The following BUB1 variants were observed in gnomAD, a reference collection of about 807,000 sequenced individuals.
The protein encoded by BUB1 is BUB1 mitotic checkpoint serine/threonine kinase.
Under a neutral mutation model 135.2 loss-of-function variants are expected in BUB1, and 84 were observed. That is an observed-to-expected ratio of 0.62 (90% CI 0.52 to 0.74). BUB1 has a LOEUF of 0.74. Among genes scored for constraint, BUB1 ranks in the 30% least tolerant of loss-of-function variants. The pLI, the probability that BUB1 is intolerant of heterozygous loss-of-function variation, is 0.00. For missense variants in BUB1, 1,162 were observed against 1,288.3 expected, an observed-to-expected ratio of 0.90 and a Z score of 1.50; for synonymous variants, 403 against 434.4, an observed-to-expected ratio of 0.93 and a Z score of 0.90.
chr2:110,658,405 A>G lies in BUB1; in HGVS notation c.1516+5T>C. The G allele has an allele frequency of 6.2e-7, 1 of 1,603,446 alleles. No individual in the cohort carries two copies. ...TGCACTTAGTAGCTTTTAAATAGTT[A>G]TTACTTTGAAACTGGGCTTCAAATG... On this transcript the variant is annotated splice_donor_5th_base_variant and intron_variant, in intron 13 of 24. Transcript: ENST00000302759.
intron 16 of BUB1, among the ~76,000 whole-genome samples, chr2:110,655,482 T>C (rs1689904667): frequency 6.6e-6 from 1 of 152,226 alleles, no homozygotes; most frequent in African/African-American, 2.4e-5. Context: ...AATGCTTCTA[T>C]AGATTTTCTC....
At chr2:110,677,746 C>T (rs1425641063) in intron 1 of BUB1, among the ~76,000 whole-genome samples, 1 of 152,234 alleles carries the variant, frequency 6.6e-6, no homozygotes, top group Non-Finnish European at 1.5e-5. Context: ...TCCAAACGGC[C>T]ACCGCGGCGC....
In BUB1 at chr2:110,658,481, T is replaced by C. The variant is rs777233714; in HGVS notation, c.1445A>G (p.Asp482Gly). 1.8e-5 allele frequency: 29 copies of C among 1,613,988 alleles called. No individual in the cohort carries two copies. Among genetic ancestry groups the C allele is most frequent in the Non-Finnish European group, 2.3e-5 (27 of 1,180,024 alleles). ...CCATTCATCTTTGTCATCAGAAATA[T>C]CAGGAAGTGTAGGAGCCTGAAACAT... ...MNMFQAPTLP[D>G]ISDDKDEWQS... is the part of the protein sequence containing the mutation. Residue 482 changes from aspartate (D) to glycine (G), a missense_variant, in exon 13 of 25, where the codon GAT (aspartate) becomes GGT (glycine). Asp to Gly is a moderately conservative substitution (Grantham distance 94). Coordinates refer to ENST00000302759, the MANE Select transcript of BUB1 (RefSeq NM_004336.5).
At chr2:110,655,170 C>T (rs146515620) in intron 16 of BUB1, among the ~76,000 whole-genome samples, 12 of 152,200 alleles carry the variant, frequency 7.9e-5, no homozygotes, top group African/African-American at 2.4e-4. Context: ...AGATTTGAAA[C>T]GGTAGAAATA....
chr2:110,652,339 A>G (rs184084046), intron 17 of BUB1, among the ~76,000 whole-genome samples: 4 of 152,188 alleles, frequency 2.6e-5, no homozygotes, highest in Admixed American at 2.6e-4. Flanking sequence ...TTAGTGTCAC[A>G]ATTTTTGTGT....
chr2:110,659,193 C>T (rs1690013058), intron 11 of BUB1, among the ~76,000 whole-genome samples: 1 of 152,178 alleles, frequency 6.6e-6, no homozygotes, highest in Admixed American at 6.6e-5. Context: ...TACCTCCCCA[C>T]ATTGGTCCCT....
chr2:110,670,126 GTTTTTTTTT>G (rs377459142), intron 5 of BUB1, among the ~76,000 whole-genome samples: 21 of 120,860 alleles, frequency 1.7e-4, no homozygotes, highest in Non-Finnish European at 1.4e-4. Flanking sequence ...AATTGGATGG[GTTTTTTTTT>G]TTTTTTTTTT....
chr2:110,647,961 T>C, intron 19 of BUB1, among the ~76,000 whole-genome samples: 1 of 152,216 alleles, frequency 6.6e-6, no homozygotes, highest in East Asian at 1.9e-4. Context: ...GAATGCTAAA[T>C]GGTACAGTCA....
intron 9 of BUB1, among the ~76,000 whole-genome samples, chr2:110,662,520 C>G (rs559622495): frequency 6.6e-6 from 1 of 152,300 alleles, no homozygotes; most frequent in East Asian, 1.9e-4. Flanking sequence ...ACCAGCCAGG[C>G]ATGGGTGGCT....
Position 110,670,126 on chromosome 2 carries a change from G to GTTTT in BUB1, c.466+395_466+398dup, listed in dbSNP as rs377459142. Among the ~76,000 whole-genome samples the GTTTT allele has an allele frequency of 3.6e-4, 43 of 120,860 alleles. 1 individual carries two copies. The highest frequency in any genetic ancestry group is 5.6e-4 in the Non-Finnish European group (32 of 57,396). 79.3% of individuals were successfully genotyped at this position (120,860 alleles called of 152,430 possible). On this transcript the variant is annotated intron_variant, in intron 5 of 24. Coordinates refer to ENST00000302759, the MANE Select transcript of BUB1 (RefSeq NM_004336.5). ...TTGGTTTTCATTAAAAATTGGATGG[G>GTTTT]TTTTTTTTTTTTTTTTTTTTTTTTT... is the stretch of plus-strand genomic sequence containing the variant.
rs755753586 is a variant in BUB1 at position 110,674,224 on chromosome 2, T to C, written c.87A>G (p.Arg29=). Residue 29 remains arginine (R), a splice_region_variant and synonymous_variant, in exon 3 of 25, where the codon AGA becomes AGG. Transcript: ENST00000302759. ...AATTCTCTTCTACCCACTGTATGTA[T>C]CTAGAAAAATATGGATAATGTTAAT... ...KGNDPLGEWE[R]YIQWVEENFP... 263 of 1,609,908 alleles carry C rather than the reference T, an allele frequency of 1.6e-4. No individual in the cohort carries two copies. Among genetic ancestry groups the C allele is most frequent in the Non-Finnish European group, 2.0e-4 (237 of 1,176,686 alleles).
In BUB1 at chr2:110,651,478, GTGT is replaced by G. The variant is rs759808856; in HGVS notation, c.1965-697_1965-695del. Among the ~76,000 whole-genome samples, 4 of 152,220 alleles carry G rather than the reference GTGT, an allele frequency of 2.6e-5. No individual in the cohort carries two copies. The East Asian group carries it at 7.7e-4, about 29-fold the overall frequency. On this transcript the variant is annotated intron_variant, in intron 17 of 24. Coordinates refer to ENST00000302759, the MANE Select transcript of BUB1 (RefSeq NM_004336.5). ...ACAATGTGTTTGTTTTTTAAGCTAA[GTGT>G]TGTTACAAAAGTCAAAAAGATAAAA...
At position 110,672,649 on chromosome 2, in the gene BUB1, C is replaced by T; in HGVS notation, c.422+12G>A. 6.4e-7 allele frequency: 1 copy of T among 1,550,936 alleles called. No individual in the cohort carries two copies. The highest frequency in any genetic ancestry group is 8.7e-7 in the Non-Finnish European group (1 of 1,148,998). On this transcript the variant is annotated intron_variant, in intron 4 of 24. Transcript: ENST00000302759. ...GTCAGAATCATCACAGAGAGTTTGA[C>T]TTTGTAACTACCTGTATTGTTGTTG...
intron 15 of BUB1, 87 bp downstream of exon 15, chr2:110,656,949 C>T: frequency 1.1e-6 from 1 of 924,800 alleles, no homozygotes; most frequent in Non-Finnish European, 1.7e-6. Context: ...TTCACATACA[C>T]AATATCCTCT....
rs541393577 is a variant in BUB1, at chr2:110,648,251, G to A, written c.2347+983C>T. ...CTATCAAATCATGAAATGACACAAG[G>A]GAACCTTAAATGCATATTGCTAAGT... On this transcript the variant is annotated intron_variant, in intron 19 of 24. Transcript: ENST00000302759. The surrounding 1 kb of genome is among the most constrained non-coding windows in gnomAD (Gnocchi z 4.2). 6.6e-6 allele frequency among the ~76,000 whole-genome samples: 1 copy of A among 151,908 alleles called. No homozygotes were observed. The highest frequency in any genetic ancestry group is 2.1e-4 in the South Asian group (1 of 4,798).
intron 16 of BUB1, 35 bp downstream of exon 16, chr2:110,655,704 G>C: frequency 6.8e-7 from 1 of 1,467,302 alleles, no homozygotes; most frequent in Non-Finnish European, 9.2e-7. Flanking sequence ...ATCAAAGTTG[G>C]CAGAAGACAG....
intron 19 of BUB1, among the ~76,000 whole-genome samples, chr2:110,647,170 T>G (rs1233932607): frequency 6.6e-6 from 1 of 152,188 alleles, no homozygotes; most frequent in Non-Finnish European, 1.5e-5. Context: ...GAGGGAATAC[T>G]TCCTATCTCA....
Position 110,672,804 on chromosome 2 carries a change from C to A in BUB1, c.279G>T (p.Gly93=), listed in dbSNP as rs56159448. 1,350 of 1,613,162 alleles carry A rather than the reference C, an allele frequency of 8.4e-4. 19 individuals carry two copies. In the East Asian group the frequency reaches 0.028, roughly 33 times the overall value. Residue 93 remains glycine (G), a synonymous_variant, in exon 4 of 25, where the codon GGG becomes GGT. Transcript: ENST00000302759. ...ACAGAGGGGATGACAGGGTTCCAAT[C>A]CCATGGTTGTACAGAAACTCAAAAA... ...HQFFEFLYNH[G]IGTLSSPLYI...
Position 110,637,888 on chromosome 2 carries a change from A to G in BUB1, c.*76T>C, listed in dbSNP as rs1217664688. 1 of 1,023,714 alleles carries G rather than the reference A, an allele frequency of 9.8e-7. No individual in the cohort carries two copies. Among genetic ancestry groups the G allele is most frequent in the African/African-American group, 1.7e-5 (1 of 60,456 alleles). 63.4% of individuals were successfully genotyped at this position (1,023,714 alleles called of 1,614,324 possible). A position where few individuals can be genotyped will look rare whatever the true frequency, so the allele number is the denominator to read the frequency against. ...TAACAAACATTTACATAAACAATAA[A>G]TGAAAAAAAAACAGGTTTAAAGTGA... On this transcript the variant is annotated 3_prime_UTR_variant, in exon 25 of 25. Transcript: ENST00000302759.
Sources: gnomAD v4.1 joint callset for allele counts (sites outside exome capture counted in the v4.1 genomes callset) on GRCh38, gnomAD v4.1.1 for gene constraint, Gnocchi (gnomAD v3.1) non-coding constraint, MANE v1.5 for transcripts, NCBI Gene and HGNC (gene_info 2026-07-23, HGNC 2026-07-21) for gene names.